The following RIPOR1 variants were observed in gnomAD, a reference collection of about 807,000 sequenced individuals.
RIPOR1 encodes rho family-interacting cell polarization regulator 1.
In RIPOR1, 58 loss-of-function variants were observed where a neutral mutation model predicts 116.5. The ratio of observed to expected loss-of-function variants is 0.50; its 90% CI spans 0.40 to 0.62. RIPOR1 has a LOEUF of 0.62. Among genes scored for constraint, RIPOR1 ranks in the 20% least tolerant of loss-of-function variants. The probability of loss-of-function intolerance (pLI) is 0.00; values close to 1 mark genes in which losing one functional copy is unlikely to be tolerated. For missense variants in RIPOR1, 1,372 were observed against 1,586.2 expected, an observed-to-expected ratio of 0.86 and a Z score of 2.29; for synonymous variants, 605 against 650.0, an observed-to-expected ratio of 0.93 and a Z score of 1.05.
upstream of RIPOR1, among the ~76,000 whole-genome samples, chr16:67,524,680 C>A (rs186953336): frequency 4.9e-4 from 74 of 152,322 alleles, 1 homozygote; most frequent in African/African-American, 1.7e-3. Context: ...TCACCCAGGC[C>A]CAAAGCCCCT....
chr16:67,544,723 G>A lies in RIPOR1; in HGVS notation c.2762G>A (p.Cys921Tyr). The change falls in exon 16 of 22, where the codon TGC (cysteine) becomes TAC (tyrosine). Residue 921 changes from cysteine to tyrosine, a missense_variant. By Grantham distance (194) the Cys-to-Tyr change is radical. Transcript: ENST00000042381. The surrounding 1 kb of genome is among the most constrained non-coding windows in gnomAD (Gnocchi z 5.1). ...LKLGTFGPLR[C>Y]QEAWALERLL... ...CTGGGCACATTTGGGCCCCTGCGCT[G>A]CCAGGAGGCATGGGCCCTGGAGCGG... 1 of 1,613,432 alleles carries A rather than the reference G, an allele frequency of 6.2e-7. No individual in the cohort carries two copies. Among genetic ancestry groups the A allele is most frequent in the Non-Finnish European group, 8.5e-7 (1 of 1,179,936 alleles).
Position 67,529,798 on chromosome 16 carries a change from C to T in RIPOR1, c.-24+884C>T. On this transcript the variant is annotated intron_variant, in intron 1 of 21. Coordinates refer to ENST00000042381, the MANE Select transcript of RIPOR1 (RefSeq NM_024519.4). This position sits in a 1 kb window ranked among gnomAD's most constrained non-coding sequence, Gnocchi z 4.1. Reference sequence around the variant, plus strand: ...GCGCCCTGGGCCTGCCGCATTCGGCCAACGCACAGCATCTGAGGAGGGTTA... The same window carrying T: ...GCGCCCTGGGCCTGCCGCATTCGGCTAACGCACAGCATCTGAGGAGGGTTA... 2 of 1,535,882 alleles carry T rather than the reference C, an allele frequency of 1.3e-6. No individual in the cohort carries two copies. Among genetic ancestry groups the T allele is most frequent in the Non-Finnish European group, 1.7e-6 (2 of 1,146,878 alleles).
At chr16:67,524,252 T>C (rs1171230708), upstream of RIPOR1, among the ~76,000 whole-genome samples, 2 of 152,204 alleles carry the variant, frequency 1.3e-5, no homozygotes, top group Non-Finnish European at 2.9e-5. Flanking sequence ...TGGAGCAGCA[T>C]CCCTGGCTCT....
Position 67,542,216 on chromosome 16 carries a change from C to A in RIPOR1, c.1430C>A (p.Pro477His). 6.2e-7 allele frequency: 1 copy of A among 1,613,648 alleles called. No homozygotes were observed. The highest frequency in any genetic ancestry group is 1.1e-5 in the South Asian group (1 of 91,062). Residue 477 changes from proline (P) to histidine (H), a missense_variant, in exon 13 of 22, where the codon CCT becomes CAT. Physicochemically the swap from Pro to His is moderately conservative, Grantham distance 77. Transcript: ENST00000042381. The surrounding 1 kb of genome is among the most constrained non-coding windows in gnomAD (Gnocchi z 4.6). ...GGCCCAGAAAGCCTAGCCTGGGGAC[C>A]TAGCCCACCTACACACCCAGCTCCC... Reference protein sequence around the residue: ...AVGPESLAWGPSPPTHPAPTH... With the variant: ...AVGPESLAWGHSPPTHPAPTH...
At chr16:67,546,253 G>C in intron 21 of RIPOR1, 22 bp downstream of exon 21, 5 of 1,613,416 alleles carry the variant, frequency 3.1e-6, no homozygotes, top group Non-Finnish European at 4.2e-6. Context: ...GGATGGAAGA[G>C]ATGGGTGGAG....
Position 67,540,598 on chromosome 16 carries a change from G to A in RIPOR1, c.695G>A (p.Arg232His), listed in dbSNP as rs771972828. The change falls in exon 10 of 22, where the codon CGT (arginine) becomes CAT (histidine). Residue 232 changes from arginine to histidine, a missense_variant. By Grantham distance (29) the Arg-to-His change is conservative (BLOSUM62 0). Transcript: ENST00000042381. This position sits in a 1 kb window ranked among gnomAD's most constrained non-coding sequence, Gnocchi z 4.7. ...CCCCAGATCTGCATGAAATATGGGC[G>A]TCAGCGCTGGAAACTACGGGGCCGA... ...DQYEICMKYG[R>H]QRWKLRGRIE... 6.8e-6 allele frequency: 11 copies of A among 1,613,942 alleles called. No individual in the cohort carries two copies. The East Asian group carries it at 1.3e-4, about 20-fold the overall frequency.
chr16:67,546,559 TC>T lies in RIPOR1; in HGVS notation c.*101del. On this transcript the variant is annotated 3_prime_UTR_variant, in exon 22 of 22. Coordinates refer to ENST00000042381, the MANE Select transcript of RIPOR1 (RefSeq NM_024519.4). ...GGTAAGGGCTGGCTCCAGATACCCCTCCCCCACAGATTCCTAGCAATGAAAA... is the reference window on the plus strand; with the variant it reads ...GGTAAGGGCTGGCTCCAGATACCCCTCCCCACAGATTCCTAGCAATGAAAA... 1 of 892,438 alleles carries T rather than the reference TC, an allele frequency of 1.1e-6. No individual in the cohort carries two copies. The highest frequency in any genetic ancestry group is 1.8e-6 in the Non-Finnish European group (1 of 564,972). 55.3% of individuals were successfully genotyped at this position (892,438 alleles called of 1,614,324 possible).
In RIPOR1 at chr16:67,531,337, C is replaced by T. The variant is rs528123488; in HGVS notation, c.-24+2423C>T. Among the ~76,000 whole-genome samples the T allele has an allele frequency of 6.6e-6, 1 of 151,676 alleles. No individual in the cohort carries two copies. Among genetic ancestry groups the T allele is most frequent in the African/African-American group, 2.4e-5 (1 of 41,370 alleles). On this transcript the variant is annotated intron_variant, in intron 1 of 21. Transcript: ENST00000042381. This position sits in a 1 kb window ranked among gnomAD's most constrained non-coding sequence, Gnocchi z 4.2. ...CCCCCACTGTTCCCCCCCTTCATCT[C>T]CCAGGTGCTACAGGACCCCCAGAGC...
rs1330008905 is a variant in RIPOR1, at chr16:67,543,363, A to G, written c.2494A>G (p.Thr832Ala). ...ACAACCTCAGCAGAGACAAGGTCTG[A>G]CTCGCAGCCGGGCCTCCAGTCTCAG... ...ESLLMQRQGLTRSRASSLSIT... is the reference protein window; with the variant it reads ...ESLLMQRQGLARSRASSLSIT... Residue 832 changes from threonine (T) to alanine (A), a missense_variant, in exon 14 of 22, where the codon ACT becomes GCT. Physicochemically the swap from Thr to Ala is moderately conservative, Grantham distance 58 (BLOSUM62 0). Transcript: ENST00000042381. This position sits in a 1 kb window ranked among gnomAD's most constrained non-coding sequence, Gnocchi z 4.7. 6.2e-7 allele frequency: 1 copy of G among 1,605,184 alleles called. No homozygotes were observed. The highest frequency in any genetic ancestry group is 1.7e-5 in the Admixed American group (1 of 58,624).
Position 67,538,755 on chromosome 16 carries a change from A to AC in RIPOR1, c.191dup (p.Ala65SerfsTer53). On this transcript the variant is annotated frameshift_variant, in exon 3 of 22. Transcript: ENST00000042381. LOFTEE classifies it high-confidence loss of function. Reference sequence around the variant, plus strand: ...GTGTCCAGGATGTTTTCCGTGGCTCACCCAGCCGCCAAGGTGCCGCAGCCC... The same window carrying AC: ...GTGTCCAGGATGTTTTCCGTGGCTCACCCCAGCCGCCAAGGTGCCGCAGCCC... The AC allele has an allele frequency of 3.1e-6, 5 of 1,613,348 alleles. No individual in the cohort carries two copies. The highest frequency in any genetic ancestry group is 4.2e-6 in the Non-Finnish European group (5 of 1,179,912).
rs2050831454 is a variant in RIPOR1 at position 67,537,616 on chromosome 16, C to T, written c.-23-808C>T. On this transcript the variant is annotated intron_variant, in intron 1 of 21. Coordinates refer to ENST00000042381, the MANE Select transcript of RIPOR1 (RefSeq NM_024519.4). The surrounding 1 kb of genome is among the most constrained non-coding windows in gnomAD (Gnocchi z 4.6). ...AAGAGAGGTAGGACCCAGCTCGGGG[C>T]TGCGAAAGCTCAGGGACTGGCCCCA... 7.1e-7 allele frequency: 1 copy of T among 1,399,524 alleles called. No individual in the cohort carries two copies. The highest frequency in any genetic ancestry group is 1.5e-5 in the South Asian group (1 of 66,592). The allele number at this position is 1,399,524 out of a possible 1,614,324, so 86.7% of individuals were successfully genotyped here. A position where few individuals can be genotyped will look rare whatever the true frequency, so the allele number is the denominator to read the frequency against.
At position 67,541,312 on chromosome 16, in the gene RIPOR1, C is replaced by T; in HGVS notation, c.802-118C>T. The T allele has an allele frequency of 8.9e-7, 1 of 1,121,160 alleles. No individual in the cohort carries two copies. 69.5% of individuals were successfully genotyped at this position (1,121,160 alleles called of 1,614,324 possible). ...CTTGAACTCCTGGCCTTAAGTGATC[C>T]TCCTGCCTCAGCCTCCCATGACCAT... On this transcript the variant is annotated intron_variant, in intron 10 of 21. Coordinates refer to ENST00000042381, the MANE Select transcript of RIPOR1 (RefSeq NM_024519.4). The surrounding 1 kb of genome is among the most constrained non-coding windows in gnomAD (Gnocchi z 4.6).
In RIPOR1 at chr16:67,541,611, A is replaced by G. The variant is rs766508074; in HGVS notation, c.950+33A>G. On this transcript the variant is annotated intron_variant, in intron 11 of 21. Transcript: ENST00000042381. The surrounding 1 kb of genome is among the most constrained non-coding windows in gnomAD (Gnocchi z 4.6). The stretch of plus-strand genomic sequence containing the variant: ...GGGCTGAGAGGCTTGGAGGAGGGCC[A>G]GGAGGGCTGTGGCACCTGCCAACAG... 4.1e-5 allele frequency: 66 copies of G among 1,613,874 alleles called. No homozygotes were observed. Among genetic ancestry groups the G allele is most frequent in the Middle Eastern group, 1.6e-4 (1 of 6,082 alleles).
chr16:67,522,746 C>T lies in RIPOR1; in HGVS notation c.-24+4133C>T, dbSNP rs375636161. Among the ~76,000 whole-genome samples the T allele has an allele frequency of 8.2e-4, 125 of 152,208 alleles. 2 individuals carry two copies. In the South Asian group the frequency reaches 0.025, roughly 30 times the overall value. On this transcript the variant is annotated intron_variant, in intron 1 of 1. Transcript: ENST00000562116. ...CAGACCTCACCTCCTGACCTCTCCT[C>T]TAGCCCACATGGCTCAACTACCACT... is the stretch of plus-strand genomic sequence containing the variant.
chr16:67,542,064 C>T lies in RIPOR1; in HGVS notation c.1278C>T (p.Pro426=), dbSNP rs2051003575. The change falls in exon 13 of 22, where the codon CCC becomes CCT. Residue 426 remains proline (P), a synonymous_variant. Transcript: ENST00000042381. This position sits in a 1 kb window ranked among gnomAD's most constrained non-coding sequence, Gnocchi z 4.6. ...GGCCTGAGACCCCCAGCTCTGGGCC[C>T]TTGGATGAGGAGGGGGCCGTGGCCC... ...FRRPETPSSG[P]LDEEGAVAPV... 1 of 1,606,156 alleles carries T rather than the reference C, an allele frequency of 6.2e-7. No homozygotes were observed. The highest frequency in any genetic ancestry group is 8.5e-7 in the Non-Finnish European group (1 of 1,173,956).
intron 4 of RIPOR1, chr16:67,539,458 GAAGCAGA>G: frequency 1.8e-6 from 1 of 566,728 alleles, no homozygotes; most frequent in Non-Finnish European, 3.2e-6. Context: ...CTTGCACAAG[GAAGCAGA>G]GAGCTCTCCC....
chr16:67,539,822 C>G (rs1302040993), intron 5 of RIPOR1, 24 bp from the exon 6 acceptor site: 3 of 1,614,064 alleles, frequency 1.9e-6, no homozygotes, highest in Non-Finnish European at 2.5e-6. Flanking sequence ...GCCTCAGGCC[C>G]CTCCTGACCC....
At position 67,539,919 on chromosome 16, in the gene RIPOR1, G is replaced by A. The variant is rs773686729; in HGVS notation, c.414+20G>A. ...AGCAAGGTACGAGTGCAGCATGTGT[G>A]CAGAGTGGGGTGGGGGGTTGGATAT... is the stretch of plus-strand genomic sequence containing the variant. On this transcript the variant is annotated intron_variant, in intron 6 of 21. Coordinates refer to ENST00000042381, the MANE Select transcript of RIPOR1 (RefSeq NM_024519.4). 1 of 1,614,198 alleles carries A rather than the reference G, an allele frequency of 6.2e-7. No homozygotes were observed. The highest frequency in any genetic ancestry group is 8.5e-7 in the Non-Finnish European group (1 of 1,180,024).
At chr16:67,534,303 A>T (rs1036491153) in intron 1 of RIPOR1, among the ~76,000 whole-genome samples, 10 of 151,800 alleles carry the variant, frequency 6.6e-5, no homozygotes, top group African/African-American at 2.4e-4. Flanking sequence ...TATTTTTAAT[A>T]GAGTCAGGGT....
Sources: allele counts gnomAD v4.1 joint callset (sites outside exome capture counted in the v4.1 genomes callset), GRCh38; gene constraint gnomAD v4.1.1; non-coding constraint Gnocchi (gnomAD v3.1); transcripts MANE v1.5; gene names NCBI Gene and HGNC (gene_info 2026-07-23, HGNC 2026-07-21).